ABCC4: variants seen among roughly 807,000 people sequenced by gnomAD.
The protein encoded by ABCC4 is ATP binding cassette subfamily C member 4 (PEL blood group), also known as ATP-binding cassette sub-family C member 4.
In ABCC4, 102 loss-of-function variants were observed where a neutral mutation model predicts 168.5. That is an observed-to-expected ratio of 0.61 (90% CI 0.52 to 0.71). The LOEUF is 0.71. ABCC4 is among the 30% of genes least tolerant of loss of function. The pLI, the probability that ABCC4 is intolerant of heterozygous loss-of-function variation, is 0.00. For missense variants in ABCC4, 1,402 were observed against 1,605.8 expected (o/e 0.87, Z 2.17); for synonymous variants, 617 against 590.7 (o/e 1.04, Z -0.65).
At chr13:95,219,001 A>AAAAAG (rs138648398) in intron 4 of ABCC4, among the ~76,000 whole-genome samples, 1 of 115,602 alleles carries the variant, frequency 8.7e-6, no homozygotes, top group African/African-American at 3.4e-5. Flanking sequence ...GAAAGAAAGA[A>AAAAAG]AGAGTGAGAA....
rs202030399 is a variant in ABCC4 at position 95,280,434 on chromosome 13, A to G, written c.74+20807T>C. 2.6e-3 allele frequency among the ~76,000 whole-genome samples: 360 copies of G among 140,390 alleles called. 5 individuals carry two copies. The highest frequency in any genetic ancestry group is 9.1e-3 in the African/African-American group (350 of 38,596). 92.1% of individuals were successfully genotyped at this position (140,390 alleles called of 152,430 possible). ...TCCATCTCAAAAAAAAAAAAAAAAAAGGCCTAAGGCTTACTCAGGGTCATC... is the reference window on the plus strand; with the variant it reads ...TCCATCTCAAAAAAAAAAAAAAAAAGGGCCTAAGGCTTACTCAGGGTCATC... On this transcript the variant is annotated intron_variant, in intron 1 of 30. Coordinates refer to ENST00000645237, the MANE Select transcript of ABCC4 (RefSeq NM_005845.5).
chr13:95,038,044 G>A (rs1474052981), intron 29 of ABCC4, among the ~76,000 whole-genome samples: 1 of 151,976 alleles, frequency 6.6e-6, no homozygotes, highest in Non-Finnish European at 1.5e-5. Flanking sequence ...TTGTAGAGAT[G>A]GGGTTTCGCT....
intron 13 of ABCC4, among the ~76,000 whole-genome samples, chr13:95,177,021 G>C (rs1390458258): frequency 2.6e-5 from 4 of 152,220 alleles, no homozygotes; most frequent in Admixed American, 2.6e-4. Context: ...TAAGAGTTGG[G>C]AGGGAAGCCA....
At chr13:95,187,700 C>T (rs1269567513) in intron 10 of ABCC4, among the ~76,000 whole-genome samples, 1 of 152,084 alleles carries the variant, frequency 6.6e-6, no homozygotes, top group Non-Finnish European at 1.5e-5. Context: ...TTTTTAAATA[C>T]CCAAGAATCG....
intron 4 of ABCC4, among the ~76,000 whole-genome samples, chr13:95,228,689 G>C (rs913645733): frequency 6.6e-6 from 1 of 151,892 alleles, no homozygotes; most frequent in Non-Finnish European, 1.5e-5. Flanking sequence ...ACTTGAACCC[G>C]GGAGGCGGAG....
intron 4 of ABCC4, among the ~76,000 whole-genome samples, chr13:95,217,720 CCTT>C (rs1488878020): frequency 6.6e-6 from 1 of 151,818 alleles, no homozygotes; most frequent in African/African-American, 2.4e-5. Context: ...CAGTGAGACT[CCTT>C]CTCAAAAATT....
In ABCC4 at chr13:95,210,908, C is replaced by A. The variant is rs2038936624; in HGVS notation, c.532-127G>T. ...AGATCTAAGCACAAGCATCCCCACC[C>A]CCCCACTGCCCCCTCTCTCTGCCCC... is the stretch of plus-strand genomic sequence containing the variant. On this transcript the variant is annotated intron_variant, in intron 4 of 30. Coordinates refer to ENST00000645237, the MANE Select transcript of ABCC4 (RefSeq NM_005845.5). 3 of 600,428 alleles carry A rather than the reference C, an allele frequency of 5.0e-6. 1 individual carries two copies. Among genetic ancestry groups the A allele is most frequent in the Non-Finnish European group, 3.0e-6 (1 of 337,040 alleles). 37.2% of individuals were successfully genotyped at this position (600,428 alleles called of 1,614,324 possible).
At chr13:95,073,501 T>G (rs1425651429) in intron 23 of ABCC4, 197 bp from the exon 24 acceptor site, 2 of 388,080 alleles carry the variant, frequency 5.2e-6, no homozygotes, top group Non-Finnish European at 9.1e-6. Flanking sequence ...TTAGAAAAAT[T>G]TTTAGATGAT....
rs2037524725 is a variant in ABCC4, at chr13:95,172,803, G to A, written c.1728-2175C>T. Among the ~76,000 whole-genome samples the A allele has an allele frequency of 2.0e-5, 3 of 151,780 alleles. No homozygotes were observed. The South Asian group carries it at 6.2e-4, about 32-fold the overall frequency. ...GAAACTTAGCCAGGAGTGGTGGTGT[G>A]CACTTGTAGTCCCAGCTACTCGGGA... On this transcript the variant is annotated intron_variant, in intron 13 of 30. Transcript: ENST00000645237.
At chr13:95,023,004 T>G (rs1171239687) in intron 30 of ABCC4, among the ~76,000 whole-genome samples, 1 of 152,222 alleles carries the variant, frequency 6.6e-6, no homozygotes, top group East Asian at 1.9e-4. Flanking sequence ...AAAGTAAGAC[T>G]TTTCAGGGGA....
At chr13:95,234,880 A>G in intron 3 of ABCC4, 46 bp from the exon 4 acceptor site, 1 of 1,310,766 alleles carries the variant, frequency 7.6e-7, no homozygotes, top group East Asian at 2.5e-5. Context: ...TACAGACCAC[A>G]CCATTTTTTC....
intron 19 of ABCC4, among the ~76,000 whole-genome samples, chr13:95,124,977 G>A (rs957671646): frequency 6.6e-6 from 1 of 151,998 alleles, no homozygotes; most frequent in Non-Finnish European, 1.5e-5. Context: ...CACAAACCTA[G>A]AAGAGTGAAC....
At chr13:95,194,320 C>T (rs1362424738) in intron 9 of ABCC4, among the ~76,000 whole-genome samples, 3 of 152,204 alleles carry the variant, frequency 2.0e-5, no homozygotes, top group Admixed American at 1.3e-4. Context: ...CTTGGGCTGC[C>T]ACCAAAGCAG....
intron 25 of ABCC4, among the ~76,000 whole-genome samples, chr13:95,064,297 T>TATATATATATATACAC (rs1555306881): frequency 2.0e-4 from 21 of 105,176 alleles, no homozygotes; most frequent in Non-Finnish European, 3.6e-4. Flanking sequence ...TATATATATA[T>TATATATATATATACAC]ACACACACAC....
chr13:95,208,561 T>C (rs2038851782), intron 6 of ABCC4, among the ~76,000 whole-genome samples: 1 of 151,156 alleles, frequency 6.6e-6, no homozygotes, highest in Admixed American at 6.6e-5. Flanking sequence ...CTGCTTCAAG[T>C]CTAATTTATT....
intron 1 of ABCC4, among the ~76,000 whole-genome samples, chr13:95,281,615 G>A (rs1284582798): frequency 6.6e-6 from 1 of 152,098 alleles, no homozygotes; most frequent in Non-Finnish European, 1.5e-5. Flanking sequence ...CAAGAAATAT[G>A]AGGAAAAGAG....
chr13:95,172,572 G>GAAAA (rs56278771), intron 13 of ABCC4, among the ~76,000 whole-genome samples: 1 of 124,688 alleles, frequency 8.0e-6, no homozygotes, highest in African/African-American at 3.1e-5. Flanking sequence ...CCTCAAAAAG[G>GAAAA]AAAAAAAAAA....
chr13:95,117,439 G>T (rs1200002583), intron 19 of ABCC4, among the ~76,000 whole-genome samples: 1 of 152,206 alleles, frequency 6.6e-6, no homozygotes, highest in African/African-American at 2.4e-5. Flanking sequence ...GCTGGAGCCT[G>T]AATTTCCAAC....
At chr13:95,060,230 T>G (rs2033233227) in intron 26 of ABCC4, among the ~76,000 whole-genome samples, 2 of 152,208 alleles carry the variant, frequency 1.3e-5, no homozygotes, top group African/African-American at 4.8e-5. Flanking sequence ...TTAGCAGTGT[T>G]TTGTAAGCAT....
Sources: allele counts gnomAD v4.1 joint callset (sites outside exome capture counted in the v4.1 genomes callset), GRCh38; gene constraint gnomAD v4.1.1; transcripts MANE v1.5; gene names NCBI Gene and HGNC (gene_info 2026-07-23, HGNC 2026-07-21).